ECI1: variants seen among roughly 807,000 people sequenced by gnomAD.
ECI1 encodes the protein enoyl-CoA delta isomerase 1, mitochondrial.
Under a neutral mutation model 34.2 loss-of-function variants are expected in ECI1, and 34 were observed. That is an observed-to-expected ratio of 1.00 (90% CI 0.76 to 1.33). The LOEUF (loss-of-function observed/expected upper bound fraction) is 1.33, where lower values mean the gene tolerates loss of function less well. Ranked by LOEUF, ECI1 falls within the 40% of genes most tolerant of loss-of-function variation. ECI1 has a pLI of 0.00. For synonymous variants in ECI1, 211 were observed against 193.0 expected (o/e 1.09, Z -0.77); for missense variants, 456 against 422.2 (o/e 1.08, Z -0.70).
At chr16:2,246,798 T>A in intron 3 of ECI1, 61 bp downstream of exon 3, 1 of 1,609,638 alleles carries the variant, frequency 6.2e-7, no homozygotes, top group Non-Finnish European at 8.5e-7. Context: ...AGGCCTGGGC[T>A]CACATCAGAG....
At chr16:2,246,642 G>A (rs1333299779) in intron 3 of ECI1, among the ~76,000 whole-genome samples, 3 of 152,202 alleles carry the variant, frequency 2.0e-5, no homozygotes, top group Admixed American at 6.5e-5. Context: ...ATCTGCTTGA[G>A]GCCCATGGCA....
chr16:2,246,554 C>A (rs779078298), intron 3 of ECI1, among the ~76,000 whole-genome samples: 2 of 152,124 alleles, frequency 1.3e-5, no homozygotes, highest in African/African-American at 4.8e-5. Context: ...GGCTGTCTCC[C>A]GGGAAGGGCG....
intron 2 of ECI1, among the ~76,000 whole-genome samples, chr16:2,247,928 T>A (rs550695674): frequency 6.6e-6 from 1 of 152,122 alleles, no homozygotes; most frequent in Non-Finnish European, 1.5e-5. Context: ...AGGCTGGTCT[T>A]GAACTCCTGA....
chr16:2,239,864 T>TA lies in ECI1; in HGVS notation c.*114dup, dbSNP rs1200326293. Reference sequence around the variant, plus strand: ...GCTATGAGGAACAGGAACTTCTACGTAACATCAGCAAAATGAAACGCTGGC... The same window carrying TA: ...GCTATGAGGAACAGGAACTTCTACGTAAACATCAGCAAAATGAAACGCTGGC... On this transcript the variant is annotated 3_prime_UTR_variant, in exon 7 of 7. Coordinates refer to ENST00000301729, the MANE Select transcript of ECI1 (RefSeq NM_001919.4). The TA allele has an allele frequency of 4.2e-6, 5 of 1,185,360 alleles. No individual in the cohort carries two copies. Among genetic ancestry groups the TA allele is most frequent in the East Asian group, 2.3e-5 (1 of 42,778 alleles). 73.4% of individuals were successfully genotyped at this position (1,185,360 alleles called of 1,614,324 possible). A position where few individuals can be genotyped will look rare whatever the true frequency, so the allele number is the denominator to read the frequency against.
intron 6 of ECI1, chr16:2,242,445 G>A (rs954658728): frequency 2.5e-5 from 4 of 158,028 alleles, no homozygotes; most frequent in Non-Finnish European, 4.2e-5. Flanking sequence ...CTATACCATC[G>A]CTGATATGAC....
At chr16:2,245,076 C>T (rs538625235) in intron 3 of ECI1, among the ~76,000 whole-genome samples, 14 of 152,168 alleles carry the variant, frequency 9.2e-5, no homozygotes, top group Non-Finnish European at 1.2e-4. Context: ...GACCCTCCCA[C>T]GGCTGGAGTA....
rs373423708 is a variant in ECI1, at chr16:2,244,566, C to A, written c.295-14G>T. 3 of 1,571,888 alleles carry A rather than the reference C, an allele frequency of 1.9e-6. No homozygotes were observed. Among genetic ancestry groups the A allele is most frequent in the Non-Finnish European group, 1.7e-6 (2 of 1,158,982 alleles). The stretch of plus-strand genomic sequence containing the variant: ...ACCCGGGCGGTCCTGCAGGGGGAGC[C>A]GGGGCCACATGCCCATCAGAGTCCA... On this transcript the variant is annotated splice_polypyrimidine_tract_variant and intron_variant, in intron 3 of 6. Coordinates refer to ENST00000301729, the MANE Select transcript of ECI1 (RefSeq NM_001919.4).
intron 2 of ECI1, among the ~76,000 whole-genome samples, chr16:2,249,791 T>C (rs962573630): frequency 3.6e-5 from 5 of 137,742 alleles, no homozygotes; most frequent in Non-Finnish European, 6.0e-5. Flanking sequence ...GGTAGAAGAA[T>C]GGTGTGAACC....
intron 6 of ECI1, chr16:2,240,414 T>C: frequency 2.4e-6 from 1 of 414,058 alleles, no homozygotes; most frequent in Non-Finnish European, 4.5e-6. Flanking sequence ...TTTCCTCATG[T>C]TGGCCAGGCT....
intron 3 of ECI1, among the ~76,000 whole-genome samples, chr16:2,245,919 C>G (rs1171071614): frequency 6.6e-6 from 1 of 152,122 alleles, no homozygotes; most frequent in Admixed American, 6.6e-5. Flanking sequence ...AAGCCAAGAT[C>G]ACGTCACTGT....
chr16:2,249,597 C>T (rs1191273952), intron 2 of ECI1, among the ~76,000 whole-genome samples: 3 of 151,434 alleles, frequency 2.0e-5, no homozygotes, highest in African/African-American at 2.4e-5. Flanking sequence ...GTAAGCCGGG[C>T]GCGGTGGCTC....
In ECI1 at chr16:2,239,871, A is replaced by T; in HGVS notation, c.*108T>A. On this transcript the variant is annotated 3_prime_UTR_variant, in exon 7 of 7. Coordinates refer to ENST00000301729, the MANE Select transcript of ECI1 (RefSeq NM_001919.4). ...GGAACAGGAACTTCTACGTAACATC[A>T]GCAAAATGAAACGCTGGCAGTACTT... is the stretch of plus-strand genomic sequence containing the variant. 8.0e-7 allele frequency: 1 copy of T among 1,249,598 alleles called. No individual in the cohort carries two copies. Among genetic ancestry groups the T allele is most frequent in the Non-Finnish European group, 1.2e-6 (1 of 852,660 alleles). The allele number at this position is 1,249,598 out of a possible 1,614,324, so 77.4% of individuals were successfully genotyped here.
At chr16:2,245,517 G>A (rs145588466) in intron 3 of ECI1, among the ~76,000 whole-genome samples, 12 of 152,344 alleles carry the variant, frequency 7.9e-5, no homozygotes, top group East Asian at 5.8e-4. Context: ...AGCTGGTGCC[G>A]CACAGAATGG....
At chr16:2,241,157 A>AAAAT (rs60773721) in intron 6 of ECI1, 145,089 of 151,154 alleles carry the variant, frequency 0.96, 69,661 homozygotes, top group East Asian at 1. Flanking sequence ...CATCTCAAAA[A>AAAAT]AAATAAATAA....
chr16:2,251,482 C>T (rs1189023653), intron 1 of ECI1, 33 bp downstream of exon 1: 1 of 1,549,592 alleles, frequency 6.5e-7, no homozygotes, highest in Non-Finnish European at 8.7e-7. Context: ...GCCCCGGCCC[C>T]GGCCCGATCC....
intron 2 of ECI1, among the ~76,000 whole-genome samples, chr16:2,250,171 A>T (rs1422865089): frequency 6.7e-6 from 1 of 148,384 alleles, no homozygotes; most frequent in Admixed American, 6.7e-5. Context: ...AGGAGGGAGA[A>T]TCGCTTGAAC....
Position 2,251,523 on chromosome 16 carries a change from A to C in ECI1, c.44T>G (p.Leu15Arg). The change falls in exon 1 of 7, where the codon CTC (leucine) becomes CGC (arginine). Residue 15 changes from leucine (L) to arginine (R), a missense_variant. Coordinates refer to ENST00000301729, the MANE Select transcript of ECI1 (RefSeq NM_001919.4). ...CACCCCGGGTTTCGCACCCGCGCGG[A>C]GCAGAACGCGCGCCGGGACTCGCAC... Reference protein sequence around the residue: ...ASVRVPARVLLRAGARLPGAA... With the variant: ...ASVRVPARVLRRAGARLPGAA... The C allele has an allele frequency of 6.4e-7, 1 of 1,560,480 alleles. No individual in the cohort carries two copies. The highest frequency in any genetic ancestry group is 1.2e-5 in the South Asian group (1 of 84,862).
intron 4 of ECI1, 173 bp downstream of exon 4, chr16:2,244,233 C>G (rs1460774776): frequency 1.3e-6 from 1 of 791,314 alleles, no homozygotes; most frequent in African/African-American, 1.7e-5. Context: ...CCGAGGCCCA[C>G]CTTTCTCAAC....
chr16:2,244,630 C>T, intron 3 of ECI1, 78 bp from the exon 4 acceptor site: 3 of 1,485,176 alleles, frequency 2.0e-6, no homozygotes, highest in Non-Finnish European at 2.7e-6. Context: ...CTGGGGAGCC[C>T]AGGTGCACGA....
Sources: gnomAD v4.1 joint callset for allele counts (sites outside exome capture counted in the v4.1 genomes callset) on GRCh38, gnomAD v4.1.1 for gene constraint, MANE v1.5 for transcripts, NCBI Gene and HGNC (gene_info 2026-07-23, HGNC 2026-07-21) for gene names.